The following SREBF2 variants were observed in gnomAD, a reference collection of about 807,000 sequenced individuals.
The protein encoded by SREBF2 is sterol regulatory element binding transcription factor 2.
In SREBF2, 55 loss-of-function variants were observed where a neutral mutation model predicts 113.1. That is an observed-to-expected ratio of 0.49 (90% CI 0.39 to 0.61). The LOEUF (loss-of-function observed/expected upper bound fraction) is 0.61. SREBF2 is among the 20% of genes least tolerant of loss of function. The probability of loss-of-function intolerance (pLI) is 0.00; values close to 1 mark genes in which losing one functional copy is unlikely to be tolerated. For synonymous variants in SREBF2, 593 were observed against 605.7 expected (o/e 0.98, Z 0.31); for missense variants, 1,349 against 1,487.4 (o/e 0.91, Z 1.53).
At chr22:41,836,438 C>A (rs1199253644) in intron 1 of SREBF2, among the ~76,000 whole-genome samples, 1 of 152,204 alleles carries the variant, frequency 6.6e-6, no homozygotes, top group Non-Finnish European at 1.5e-5. Context: ...GAAGACCACA[C>A]CAAAGAGGTG....
chr22:41,833,164 G>C lies in SREBF2; in HGVS notation c.-107G>C, dbSNP rs1190021314. ...GGCGGCGGGTGGCACCCGTCGGTGA[G>C]GCGGTGCCGGGCGGGGGTTGTCGGG... On this transcript the variant is annotated 5_prime_UTR_variant, in exon 1 of 19. Coordinates refer to ENST00000361204, the MANE Select transcript of SREBF2 (RefSeq NM_004599.4). This position sits in a 1 kb window ranked among gnomAD's most constrained non-coding sequence, Gnocchi z 4.1. The C allele has an allele frequency of 1.2e-6, 1 of 818,202 alleles. No individual in the cohort carries two copies. Among genetic ancestry groups the C allele is most frequent in the Non-Finnish European group, 1.8e-6 (1 of 568,698 alleles). 50.7% of individuals were successfully genotyped at this position (818,202 alleles called of 1,614,324 possible). A position where few individuals can be genotyped will look rare whatever the true frequency, so the allele number is the denominator to read the frequency against.
intron 1 of SREBF2, among the ~76,000 whole-genome samples, chr22:41,836,155 C>G (rs1441533694): frequency 6.6e-6 from 1 of 152,182 alleles, no homozygotes; most frequent in Non-Finnish European, 1.5e-5. Context: ...TAGTTATATA[C>G]CGCACAAGGA....
intron 15 of SREBF2, chr22:41,899,315 A>C: frequency 7.8e-6 from 8 of 1,026,446 alleles, no homozygotes; most frequent in Non-Finnish European, 9.4e-6. Flanking sequence ...ATAACCGGAG[A>C]GCTTTTGACA....
rs1044791460 is a variant in SREBF2, at chr22:41,906,875, C to T, written c.*1215C>T. On this transcript the variant is annotated 3_prime_UTR_variant, in exon 19 of 19. Transcript: ENST00000361204. ...GCGGGTCCTAGGAGAAAAAGTCCTACTTTTCTGGGTCCCCAGGTGCAGCAC... is the reference window on the plus strand; with the variant it reads ...GCGGGTCCTAGGAGAAAAAGTCCTATTTTTCTGGGTCCCCAGGTGCAGCAC... The T allele has an allele frequency of 6.6e-6, 1 of 152,192 alleles. No individual in the cohort carries two copies. The highest frequency in any genetic ancestry group is 1.5e-5 in the Non-Finnish European group (1 of 68,044). 9.4% of individuals were successfully genotyped at this position (152,192 alleles called of 1,614,324 possible). A position where few individuals can be genotyped will look rare whatever the true frequency, so the allele number is the denominator to read the frequency against.
chr22:41,890,850 G>T (rs565242649), intron 11 of SREBF2, among the ~76,000 whole-genome samples: 1 of 151,638 alleles, frequency 6.6e-6, no homozygotes, highest in Non-Finnish European at 1.5e-5. Flanking sequence ...GGAGGTTGCA[G>T]TGAGCCAAGA....
chr22:41,864,944 C>A (rs961407106), intron 1 of SREBF2, among the ~76,000 whole-genome samples: 3 of 151,898 alleles, frequency 2.0e-5, no homozygotes, highest in African/African-American at 7.3e-5. Context: ...CAGAGCAATA[C>A]CCTATCTCAA....
intron 11 of SREBF2, 27 bp from the exon 12 acceptor site, chr22:41,893,090 T>G: frequency 6.2e-7 from 1 of 1,611,632 alleles, no homozygotes; most frequent in Non-Finnish European, 8.5e-7. Flanking sequence ...CACCTTGGTG[T>G]TACCCCTGGT....
chr22:41,859,988 G>A (rs147844961), intron 1 of SREBF2, among the ~76,000 whole-genome samples: 1,713 of 151,432 alleles, frequency 0.011, 36 homozygotes, highest in African/African-American at 0.04. Context: ...TATATTTTTA[G>A]TAGAGACGGG....
At chr22:41,861,066 A>T (rs2077022483) in intron 1 of SREBF2, among the ~76,000 whole-genome samples, 1 of 152,228 alleles carries the variant, frequency 6.6e-6, no homozygotes, top group South Asian at 2.1e-4. Context: ...AACCAAAGGG[A>T]ACAGGGTGCA....
At chr22:41,870,769 C>T in intron 3 of SREBF2, 120 bp from the exon 4 acceptor site, 1 of 1,374,470 alleles carries the variant, frequency 7.3e-7, no homozygotes, top group South Asian at 1.2e-5. Context: ...TTTTTATTCT[C>T]AATTTCATAA....
intron 1 of SREBF2, among the ~76,000 whole-genome samples, chr22:41,866,606 A>G (rs186015310): frequency 1.3e-5 from 2 of 152,240 alleles, no homozygotes; most frequent in East Asian, 3.9e-4. Flanking sequence ...GAGTGTGAGG[A>G]GGGAAAAGAA....
intron 3 of SREBF2, among the ~76,000 whole-genome samples, chr22:41,869,306 A>G (rs1190104165): frequency 7.2e-6 from 1 of 138,704 alleles, no homozygotes; most frequent in Non-Finnish European, 1.5e-5. Context: ...GATGTTGGCC[A>G]GGCTGGCTTG....
At chr22:41,846,726 C>G (rs2076879657) in intron 1 of SREBF2, among the ~76,000 whole-genome samples, 1 of 152,202 alleles carries the variant, frequency 6.6e-6, no homozygotes, top group Admixed American at 6.5e-5. Context: ...TTTCCTTTGC[C>G]TGGAATACCC....
chr22:41,898,900 G>A, intron 15 of SREBF2, 119 bp downstream of exon 15: 1 of 1,450,214 alleles, frequency 6.9e-7, no homozygotes, highest in Non-Finnish European at 9.4e-7. Flanking sequence ...TGCATGACAG[G>A]TGGGCGGCTA....
At chr22:41,859,781 G>A (rs1348097917) in intron 1 of SREBF2, among the ~76,000 whole-genome samples, 1 of 148,766 alleles carries the variant, frequency 6.7e-6, no homozygotes, top group Non-Finnish European at 1.5e-5. Context: ...CAGGTTCCAA[G>A]GCTAGGATAT....
chr22:41,885,341 A>G (rs1046615511), intron 11 of SREBF2, among the ~76,000 whole-genome samples: 3 of 152,220 alleles, frequency 2.0e-5, no homozygotes, highest in African/African-American at 4.8e-5. Context: ...CTGTTCTTCA[A>G]GTGGTCATAA....
intron 9 of SREBF2, among the ~76,000 whole-genome samples, chr22:41,878,493 T>C (rs941342939): frequency 5.3e-5 from 8 of 151,962 alleles, no homozygotes; most frequent in Admixed American, 2.6e-4. Context: ...TGAGTGTAGG[T>C]TATGTCAGAG....
intron 17 of SREBF2, chr22:41,904,541 T>C: frequency 1.8e-6 from 1 of 563,872 alleles, no homozygotes. Context: ...GCAGGCAGCC[T>C]CCAGGGCCTT....
At chr22:41,870,628 CAAAAAAAAAAAAAA>C (rs133289) in intron 3 of SREBF2, among the ~76,000 whole-genome samples, 1 of 56,152 alleles carries the variant, frequency 1.8e-5, no homozygotes, top group Non-Finnish European at 3.3e-5. Flanking sequence ...CCTGTCTCAG[CAAAAAAAAAAAAAA>C]AAAAAAAAAG....
Sources: gnomAD v4.1 joint callset for allele counts (sites outside exome capture counted in the v4.1 genomes callset) on GRCh38, gnomAD v4.1.1 for gene constraint, Gnocchi (gnomAD v3.1) non-coding constraint, MANE v1.5 for transcripts, NCBI Gene and HGNC (gene_info 2026-07-23, HGNC 2026-07-21) for gene names.